Variants in FGF12 observed in about 807,000 individuals in gnomAD.
FGF12 encodes fibroblast growth factor 12B.
A neutral mutation model predicts 23.6 loss-of-function variants in FGF12; 14 were observed. The ratio of observed to expected loss-of-function variants is 0.59; its 90% CI spans 0.39 to 0.93. FGF12 has a LOEUF of 0.93. Ranked by LOEUF, FGF12 falls within the 40% of genes least tolerant of loss-of-function variation. The pLI is 0.00. For missense variants in FGF12, 175 were observed against 217.8 expected (o/e 0.80, Z 1.24); for synonymous variants, 62 against 77.3 (o/e 0.80, Z 1.04).
At chr3:192,510,478 G>A (rs1490022701) in intron 2 of FGF12, among the ~76,000 whole-genome samples, 1 of 152,128 alleles carries the variant, frequency 6.6e-6, no homozygotes, top group African/African-American at 2.4e-5. Flanking sequence ...TGACAACACT[G>A]ACAAAAATGT....
intron 2 of FGF12, among the ~76,000 whole-genome samples, chr3:192,554,428 G>A (rs1482423138): frequency 3.3e-5 from 5 of 152,162 alleles, no homozygotes; most frequent in African/African-American, 1.2e-4. Flanking sequence ...ATTAGAGGGA[G>A]AAAGAGATGA....
chr3:192,463,419 C>CA (rs576452686), intron 2 of FGF12, among the ~76,000 whole-genome samples: 33 of 148,880 alleles, frequency 2.2e-4, no homozygotes, highest in Admixed American at 6.7e-5. Context: ...GACTCTGTCT[C>CA]AAAAAAAAAG....
chr3:192,261,853 GAAAGAAGTGTGTGAAGAAA>G (rs1015103433), intron 4 of FGF12, among the ~76,000 whole-genome samples: 2 of 152,144 alleles, frequency 1.3e-5, no homozygotes, highest in African/African-American at 4.8e-5. Context: ...GCTTTATGGG[GAAAGAAGTGTGTGAAGAAA>G]AAAATAGTAG....
intron 2 of FGF12, among the ~76,000 whole-genome samples, chr3:192,542,687 T>C (rs1301910257): frequency 1.3e-5 from 2 of 152,130 alleles, no homozygotes; most frequent in Non-Finnish European, 2.9e-5. Context: ...TGTTGTGCTC[T>C]AAGTTTCTGG....
At chr3:192,515,575 G>C (rs1724643179) in intron 2 of FGF12, 1 of 152,526 alleles carries the variant, frequency 6.6e-6, no homozygotes, top group Admixed American at 6.5e-5. Flanking sequence ...TGAGATAGAG[G>C]ATTGGCAGCG....
At chr3:192,296,949 G>A (rs1001268669) in intron 4 of FGF12, among the ~76,000 whole-genome samples, 6 of 152,064 alleles carry the variant, frequency 3.9e-5, no homozygotes, top group Non-Finnish European at 7.4e-5. Context: ...GTTTACAAAA[G>A]GAATAAAATC....
intron 3 of FGF12, among the ~76,000 whole-genome samples, chr3:192,352,190 G>A (rs1368417235): frequency 6.6e-6 from 1 of 151,816 alleles, no homozygotes; most frequent in African/African-American, 2.4e-5. Flanking sequence ...AGTGTCTACA[G>A]ACCTCTGCTT....
At chr3:192,334,168 A>G (rs1166220680) in intron 4 of FGF12, among the ~76,000 whole-genome samples, 3 of 152,078 alleles carry the variant, frequency 2.0e-5, no homozygotes, top group African/African-American at 7.2e-5. Flanking sequence ...AACTCCAGAG[A>G]ACAACTTCAT....
At chr3:192,368,349 T>C in intron 2 of FGF12, among the ~76,000 whole-genome samples, 1 of 152,238 alleles carries the variant, frequency 6.6e-6, no homozygotes, top group Non-Finnish European at 1.5e-5. Flanking sequence ...AACAATAAAG[T>C]ATATAATAAA....
At chr3:192,319,594 C>CAAATAAAT (rs556846919) in intron 4 of FGF12, among the ~76,000 whole-genome samples, 5 of 151,350 alleles carry the variant, frequency 3.3e-5, no homozygotes, top group African/African-American at 1.2e-4. Context: ...AAGACTGTCT[C>CAAATAAAT]AAATAAATAA....
chr3:192,613,263 G>C (rs1474438096), intron 2 of FGF12, among the ~76,000 whole-genome samples: 2 of 151,654 alleles, frequency 1.3e-5, no homozygotes, highest in Non-Finnish European at 2.9e-5. Context: ...CTCCCTTATT[G>C]ATTGCCTCCA....
At chr3:192,424,804 A>G (rs1250751864) in intron 2 of FGF12, among the ~76,000 whole-genome samples, 1 of 152,024 alleles carries the variant, frequency 6.6e-6, no homozygotes, top group Non-Finnish European at 1.5e-5. Context: ...ACATCTTACC[A>G]ATTTCTTTGT....
intron 2 of FGF12, among the ~76,000 whole-genome samples, chr3:192,443,367 T>TAA (rs2108797749): frequency 6.6e-6 from 1 of 152,322 alleles, no homozygotes; most frequent in African/African-American, 2.4e-5. Flanking sequence ...TTTCTGCTCT[T>TAA]ACATACAGAT....
At chr3:192,607,343 C>T (rs897917289) in intron 2 of FGF12, among the ~76,000 whole-genome samples, 2 of 152,036 alleles carry the variant, frequency 1.3e-5, no homozygotes, top group Non-Finnish European at 2.9e-5. Flanking sequence ...TGCTTCAACA[C>T]CACAGAAAGA....
intron 5 of FGF12, among the ~76,000 whole-genome samples, chr3:192,154,219 AT>A (rs1714214643): frequency 3.1e-5 from 3 of 95,828 alleles, no homozygotes; most frequent in Admixed American, 1.1e-4. Flanking sequence ...ATTCTTCTAA[AT>A]TTTTTTCAAA....
At chr3:192,703,578 A>C (rs1403218150) in intron 2 of FGF12, among the ~76,000 whole-genome samples, 1 of 152,230 alleles carries the variant, frequency 6.6e-6, no homozygotes, top group African/African-American at 2.4e-5. Context: ...AGAATATGAT[A>C]CTGTTTGATA....
intron 4 of FGF12, among the ~76,000 whole-genome samples, chr3:192,229,980 C>T (rs929673449): frequency 1.3e-5 from 2 of 151,988 alleles, no homozygotes; most frequent in Non-Finnish European, 2.9e-5. Context: ...ATGTTGTAAA[C>T]TTTAAAGTGT....
At chr3:192,325,538 T>C (rs1285471361) in intron 4 of FGF12, among the ~76,000 whole-genome samples, 1 of 152,176 alleles carries the variant, frequency 6.6e-6, no homozygotes, top group African/African-American at 2.4e-5. Flanking sequence ...ACTCACTTGC[T>C]GTCCCAAGAA....
At chr3:192,612,941 A>G (rs1577079194) in intron 2 of FGF12, among the ~76,000 whole-genome samples, 3 of 151,972 alleles carry the variant, frequency 2.0e-5, no homozygotes, top group Admixed American at 2.0e-4. Flanking sequence ...TTAAGGCAAA[A>G]ACAAATTAAT....
Sources: allele counts gnomAD v4.1 joint callset (sites outside exome capture counted in the v4.1 genomes callset), GRCh38; gene constraint gnomAD v4.1.1; transcripts MANE v1.5; gene names NCBI Gene and HGNC (gene_info 2026-07-23, HGNC 2026-07-21).